KRT73: variants seen among roughly 807,000 people sequenced by gnomAD.
The protein encoded by KRT73 is keratin 73.
In KRT73, 44 loss-of-function variants were observed where a neutral mutation model predicts 47.2. The ratio of observed to expected loss-of-function variants is 0.93; its 90% CI spans 0.73 to 1.20. The LOEUF is 1.20. Among genes scored for constraint, KRT73 ranks in the 50% most tolerant of loss-of-function variants. The probability of loss-of-function intolerance (pLI) is 0.00; values close to 1 mark genes in which losing one functional copy is unlikely to be tolerated. For synonymous variants in KRT73, 285 were observed against 291.3 expected, an observed-to-expected ratio of 0.98 and a Z score of 0.22; for missense variants, 713 against 704.5, an observed-to-expected ratio of 1.01 and a Z score of -0.14.
intron 4 of KRT73, 116 bp downstream of exon 4, chr12:52,614,463 C>A: frequency 1.2e-6 from 1 of 805,724 alleles, no homozygotes; most frequent in Non-Finnish European, 1.9e-6. Flanking sequence ...AATTTCTCAG[C>A]ACCCCAATGC....
chr12:52,611,497 T>C, intron 5 of KRT73, 168 bp from the exon 6 acceptor site: 1 of 726,000 alleles, frequency 1.4e-6, no homozygotes, highest in South Asian at 1.9e-5. Flanking sequence ...CCATTGCATT[T>C]GCTTGCCTTA....
In KRT73 at chr12:52,608,074, G is replaced by A. The variant is rs1940619312; in HGVS notation, c.*122C>T. The A allele has an allele frequency of 1.4e-5, 15 of 1,048,706 alleles. No homozygotes were observed. Among genetic ancestry groups the A allele is most frequent in the East Asian group, 5.1e-5 (2 of 39,486 alleles). 65.0% of individuals were successfully genotyped at this position (1,048,706 alleles called of 1,614,324 possible). ...GAGAGGTCAAGGAGAAGGAGGAGAGGTCCACAGCAAAGCAAAGCAAGAAGG... is the reference window on the plus strand; with the variant it reads ...GAGAGGTCAAGGAGAAGGAGGAGAGATCCACAGCAAAGCAAAGCAAGAAGG... On this transcript the variant is annotated 3_prime_UTR_variant, in exon 9 of 9. Coordinates refer to ENST00000305748, the MANE Select transcript of KRT73 (RefSeq NM_175068.3).
At chr12:52,619,872 T>C (rs1186688255), upstream of KRT73, among the ~76,000 whole-genome samples, 1 of 152,222 alleles carries the variant, frequency 6.6e-6, no homozygotes, top group Non-Finnish European at 1.5e-5. Context: ...GCTGGAGTAC[T>C]TGAATGAACA....
At chr12:52,615,171 A>G in intron 3 of KRT73, 108 bp downstream of exon 3, 1 of 880,234 alleles carries the variant, frequency 1.1e-6, no homozygotes. Context: ...CTCCTTCAGC[A>G]CTTTGGCTCC....
rs187332698 is a variant in KRT73, at chr12:52,610,147, C to T, written c.1331+468G>A. 5.8e-4 allele frequency: 108 copies of T among 186,020 alleles called. No homozygotes were observed. In the Middle Eastern group the frequency reaches 0.01, roughly 17 times the overall value. The allele number at this position is 186,020 out of a possible 1,614,324, so 11.5% of individuals were successfully genotyped here. ...CTGGAGGACAGTAGCAGGATCTCAG[C>T]TCACTGCAACCTCAGCCTCCTGGGT... On this transcript the variant is annotated intron_variant, in intron 7 of 8. Transcript: ENST00000305748.
intron 8 of KRT73, 105 bp downstream of exon 8, chr12:52,609,142 C>A (rs1042873167): frequency 6.1e-6 from 6 of 978,046 alleles, no homozygotes; most frequent in Non-Finnish European, 8.3e-6. Context: ...AAGTGGTCAA[C>A]AGGCAGAGCC....
rs1200382256 is a variant in KRT73, at chr12:52,618,483, C to A, written c.42G>T (p.Lys14Asn). The change falls in exon 1 of 9, where the codon AAG becomes AAT. Residue 14 changes from lysine (K) to asparagine (N), a missense_variant. Transcript: ENST00000305748. ...QFTYKSGAAA[K>N]GGFSGCSAVL... ...CAGCGGAGCAGCCGCTGAAGCCCCC[C>A]TTGGCAGCAGCTCCCGACTTGTAGG... 1.2e-6 allele frequency: 2 copies of A among 1,611,358 alleles called. No homozygotes were observed. The highest frequency in any genetic ancestry group is 2.2e-5 in the South Asian group (2 of 90,774).
At chr12:52,609,379 C>CTCAGCCTTCACG in intron 7 of KRT73, 98 bp from the exon 8 acceptor site, 1 of 1,014,876 alleles carries the variant, frequency 9.9e-7, no homozygotes, top group Non-Finnish European at 1.6e-6. Flanking sequence ...GCCAGACCAG[C>CTCAGCCTTCACG]TCAGCCTTCA....
chr12:52,610,984 G>T (rs763134673), intron 6 of KRT73, 149 bp from the exon 7 acceptor site: 89 of 884,384 alleles, frequency 1.0e-4, no homozygotes, highest in Non-Finnish European at 1.4e-4. Context: ...CTGTCAACCT[G>T]AGACTGAGAG....
chr12:52,612,465 G>A (rs925234866), intron 5 of KRT73: 1 of 152,226 alleles, frequency 6.6e-6, no homozygotes, highest in Non-Finnish European at 1.5e-5. Flanking sequence ...CATGGCCCAA[G>A]ATTTAGGATT....
rs759632289 is a variant in KRT73 at position 52,613,705 on chromosome 12, C to A, written c.967G>T (p.Ala323Ser). ...GGCCTCACCTTGGTCTGGTACAGGG[C>A]CTCGGCCTCGGCCTTGCTCTTCCGG... Reference protein sequence around the residue: ...IARKSKAEAEALYQTKFQELQ... With the variant: ...IARKSKAEAESLYQTKFQELQ... Residue 323 changes from alanine to serine, a missense_variant, in exon 5 of 9, where the codon GCC (alanine) becomes TCC (serine). Physicochemically the swap from Ala to Ser is moderately conservative, Grantham distance 99. Transcript: ENST00000305748. 6 of 1,613,924 alleles carry A rather than the reference C, an allele frequency of 3.7e-6. No individual in the cohort carries two copies. The highest frequency in any genetic ancestry group is 1.3e-5 in the African/African-American group (1 of 74,930).
At chr12:52,624,813 C>T in the KRT73 span, among the ~76,000 whole-genome samples, 6 of 55,330 alleles carry the variant, frequency 1.1e-4, no homozygotes, top group Non-Finnish European at 1.9e-4. Context: ...CAAGCGACAA[C>T]AAAACAAAAA....
chr12:52,611,827 C>T (rs1940709546), intron 5 of KRT73, among the ~76,000 whole-genome samples: 2 of 152,156 alleles, frequency 1.3e-5, no homozygotes, highest in Non-Finnish European at 2.9e-5. Context: ...CATCCATCCT[C>T]CTTTTTCCCT....
At position 52,618,551 on chromosome 12, in the gene KRT73, A is replaced by T; in HGVS notation, c.-27T>A. On this transcript the variant is annotated 5_prime_UTR_variant, in exon 1 of 9. Coordinates refer to ENST00000305748, the MANE Select transcript of KRT73 (RefSeq NM_175068.3). ...GTGGGGAGGCCAGAAAGTGGGGATA[A>T]GATGCTGACCCTTAGCTGAGATGCA... 1 of 1,573,410 alleles carries T rather than the reference A, an allele frequency of 6.4e-7. No homozygotes were observed. Among genetic ancestry groups the T allele is most frequent in the Non-Finnish European group, 8.6e-7 (1 of 1,160,688 alleles).
intron 8 of KRT73, 81 bp from the exon 9 acceptor site, chr12:52,608,533 C>G: frequency 7.8e-7 from 1 of 1,284,704 alleles, no homozygotes; most frequent in Non-Finnish European, 1.0e-6. Context: ...CCTCCCAGCC[C>G]CACTAGCTTA....
chr12:52,618,595 C>T (rs1386948734), upstream of KRT73: 64 of 1,485,254 alleles, frequency 4.3e-5, 1 homozygote, highest in East Asian at 1.5e-3. Flanking sequence ...GCCTGTGATC[C>T]TGGGCTCCCA....
At chr12:52,615,575 G>A (rs532250569) in intron 2 of KRT73, among the ~76,000 whole-genome samples, 6 of 152,136 alleles carry the variant, frequency 3.9e-5, no homozygotes, top group Admixed American at 1.3e-4. Context: ...CTGATGCCTG[G>A]GGAGTGAGTA....
chr12:52,616,018 T>C, intron 2 of KRT73, 148 bp downstream of exon 2: 2 of 910,998 alleles, frequency 2.2e-6, no homozygotes, highest in Non-Finnish European at 3.3e-6. Flanking sequence ...TTGTCCACTG[T>C]CTAGTCTGCC....
chr12:52,608,611 G>C (rs1012880991), intron 8 of KRT73, among the ~76,000 whole-genome samples, 159 bp from the exon 9 acceptor site: 2 of 152,146 alleles, frequency 1.3e-5, no homozygotes, highest in African/African-American at 4.8e-5. Flanking sequence ...CAACTCAAGC[G>C]CGGGAAGAAT....
Sources: allele counts gnomAD v4.1 joint callset (sites outside exome capture counted in the v4.1 genomes callset), GRCh38; gene constraint gnomAD v4.1.1; transcripts MANE v1.5; gene names NCBI Gene and HGNC (gene_info 2026-07-23, HGNC 2026-07-21).